The following ATP8A1 variants were observed in gnomAD, a reference collection of about 807,000 sequenced individuals.
The protein encoded by ATP8A1 is ATPase phospholipid transporting 8A1.
In ATP8A1, 90 loss-of-function variants were observed where a neutral mutation model predicts 177.7. The ratio of observed to expected loss-of-function variants is 0.51; its 90% confidence interval spans 0.43 to 0.60. ATP8A1 has a LOEUF of 0.60. ATP8A1 is among the 20% of genes least tolerant of loss of function. The pLI is 0.00. For missense variants in ATP8A1, 1,072 were observed against 1,392.8 expected, an observed-to-expected ratio of 0.77 and a Z score of 3.67; for synonymous variants, 493 against 485.9, an observed-to-expected ratio of 1.01 and a Z score of -0.19.
chr4:42,433,857 A>AAT (rs386399925), intron 33 of ATP8A1, among the ~76,000 whole-genome samples: 1 of 44,936 alleles, frequency 2.2e-5, no homozygotes, highest in Middle Eastern at 0.017. Context: ...AGAGAGTAAT[A>AAT]AAAAAAAAAA....
chr4:42,538,804 T>C (rs1234093341), intron 20 of ATP8A1, among the ~76,000 whole-genome samples: 1 of 152,250 alleles, frequency 6.6e-6, no homozygotes, highest in Non-Finnish European at 1.5e-5. Flanking sequence ...TTTACACTGC[T>C]GGTGGGAATG....
intron 33 of ATP8A1, among the ~76,000 whole-genome samples, chr4:42,428,757 G>C (rs1187078728): frequency 6.6e-6 from 1 of 152,066 alleles, no homozygotes; most frequent in Non-Finnish European, 1.5e-5. Context: ...TGCTTTCCCA[G>C]TATCATCTCT....
intron 10 of ATP8A1, 42 bp downstream of exon 10, chr4:42,581,578 CA>C: frequency 7.0e-7 from 1 of 1,421,246 alleles, no homozygotes; most frequent in Non-Finnish European, 9.9e-7. Flanking sequence ...CATACACTCA[CA>C]AAAGCCTTAG....
At chr4:42,515,999 GGAAAGCAT>G (rs1725493811) in intron 22 of ATP8A1, among the ~76,000 whole-genome samples, 1 of 152,174 alleles carries the variant, frequency 6.6e-6, no homozygotes, top group Admixed American at 6.5e-5. Flanking sequence ...TTCAATGCAT[GGAAAGCAT>G]GAACTAGATT....
chr4:42,418,895 A>G (rs978775343), intron 35 of ATP8A1, among the ~76,000 whole-genome samples: 3 of 152,214 alleles, frequency 2.0e-5, no homozygotes, highest in Non-Finnish European at 4.4e-5. Flanking sequence ...TATTGTAAAT[A>G]TTAATCTTCC....
At chr4:42,414,489 T>C (rs1056235551) in intron 36 of ATP8A1, 138 bp downstream of exon 36, 1 of 675,600 alleles carries the variant, frequency 1.5e-6, no homozygotes, top group Non-Finnish European at 2.5e-6. Context: ...TTTTCTGTTA[T>C]TTACAGGTTA....
intron 33 of ATP8A1, among the ~76,000 whole-genome samples, chr4:42,431,057 C>T (rs1357008247): frequency 2.0e-5 from 3 of 152,162 alleles, no homozygotes; most frequent in African/African-American, 7.2e-5. Flanking sequence ...ATTATAACCT[C>T]CCAAAGGCAG....
chr4:42,416,335 T>C (rs1713239271), intron 35 of ATP8A1, among the ~76,000 whole-genome samples: 1 of 152,212 alleles, frequency 6.6e-6, no homozygotes, highest in Non-Finnish European at 1.5e-5. Flanking sequence ...TGTATCATTA[T>C]GCAGCATCTT....
intron 19 of ATP8A1, among the ~76,000 whole-genome samples, chr4:42,545,791 T>G (rs1023318322): frequency 1.3e-5 from 2 of 152,130 alleles, no homozygotes; most frequent in African/African-American, 4.8e-5. Context: ...CTGGCCAACA[T>G]GGTGAAACCC....
At position 42,543,961 on chromosome 4, in the gene ATP8A1, C is replaced by A; in HGVS notation, c.1678G>T (p.Val560Phe). The change falls in exon 20 of 37, where the codon GTT becomes TTT. Residue 560 changes from valine to phenylalanine, a missense_variant. Around this residue, in one of 5 missense-constraint regions of ATP8A1, gnomAD observed 388 missense variants for 471.7 expected, o/e 0.82. Coordinates refer to ENST00000381668, the MANE Select transcript of ATP8A1 (RefSeq NM_006095.2). ...CGTAACTTTCCAGATGGAGTGCGAA[C>A]AATCACTGACATTCTTTTCCTAGCA... ...TSARKRMSVI[V>F]RTPSGKLRLY... 1.2e-6 allele frequency: 2 copies of A among 1,613,238 alleles called. No homozygotes were observed. Among genetic ancestry groups the A allele is most frequent in the Middle Eastern group, 1.7e-4 (1 of 6,058 alleles).
chr4:42,459,598 A>G, intron 27 of ATP8A1: 1 of 247,788 alleles, frequency 4.0e-6, no homozygotes, highest in South Asian at 4.0e-5. Context: ...ATAGAAAAAT[A>G]ATTACTTTAG....
chr4:42,644,720 G>A (rs967058145), intron 1 of ATP8A1, among the ~76,000 whole-genome samples: 5 of 151,920 alleles, frequency 3.3e-5, no homozygotes, highest in Non-Finnish European at 7.4e-5. Flanking sequence ...AGCGGCCACC[G>A]AGAAACACAA....
intron 25 of ATP8A1, among the ~76,000 whole-genome samples, chr4:42,475,348 C>G (rs1158253029): frequency 6.6e-6 from 1 of 151,982 alleles, no homozygotes; most frequent in Non-Finnish European, 1.5e-5. Context: ...CAAGGTCTTA[C>G]TTTGTTGCTC....
intron 25 of ATP8A1, among the ~76,000 whole-genome samples, chr4:42,468,442 C>G (rs1720034747): frequency 6.6e-6 from 1 of 151,774 alleles, no homozygotes; most frequent in South Asian, 2.1e-4. Context: ...CACACACACA[C>G]ACACACACAC....
At position 42,644,196 on chromosome 4, in the gene ATP8A1, T is replaced by C. The variant is rs1233881859; in HGVS notation, c.49+12629A>G. 3.3e-5 allele frequency among the ~76,000 whole-genome samples: 5 copies of C among 152,136 alleles called. No individual in the cohort carries two copies. The East Asian group carries it at 5.8e-4, about 18-fold the overall frequency. ...AAGGCTTAGTTAAAATGAAAATATATAGGAGAGTGGTTCACCAACCACAGG... is the reference window on the plus strand; with the variant it reads ...AAGGCTTAGTTAAAATGAAAATATACAGGAGAGTGGTTCACCAACCACAGG... On this transcript the variant is annotated intron_variant, in intron 1 of 36. Coordinates refer to ENST00000381668, the MANE Select transcript of ATP8A1 (RefSeq NM_006095.2).
chr4:42,555,610 T>G (rs7671271), intron 16 of ATP8A1, among the ~76,000 whole-genome samples: 54,263 of 151,886 alleles, frequency 0.36, 9,900 homozygotes, highest in Non-Finnish European at 0.4. Flanking sequence ...GATCACCTGA[T>G]GTCAGGAGTT....
intron 1 of ATP8A1, among the ~76,000 whole-genome samples, chr4:42,647,127 T>C (rs948561189): frequency 1.3e-4 from 19 of 147,672 alleles, no homozygotes; most frequent in African/African-American, 4.2e-4. Flanking sequence ...AAGGCAGTAT[T>C]ATCTAAGCAC....
At chr4:42,609,724 C>T (rs1736181784) in intron 5 of ATP8A1, among the ~76,000 whole-genome samples, 1 of 152,046 alleles carries the variant, frequency 6.6e-6, no homozygotes, top group Admixed American at 6.6e-5. Context: ...TTTCCTTTGT[C>T]TTCTACTTGA....
At chr4:42,433,726 G>A (rs532266408) in intron 33 of ATP8A1, among the ~76,000 whole-genome samples, 18 of 151,932 alleles carry the variant, frequency 1.2e-4, no homozygotes, top group Non-Finnish European at 2.2e-4. Context: ...CTTTCCTTTG[G>A]ACATTTCTCT....
Sources: gnomAD v4.1 joint callset for allele counts (sites outside exome capture counted in the v4.1 genomes callset) on GRCh38, gnomAD v4.1.1 for gene constraint, gnomAD v4.1.1 regional missense constraint, MANE v1.5 for transcripts, NCBI Gene and HGNC (gene_info 2026-07-23, HGNC 2026-07-21) for gene names.